Variants in CAST observed in about 807,000 individuals in gnomAD.
CAST encodes the protein calpastatin.
In CAST, 76 loss-of-function variants were observed where a neutral mutation model predicts 119.6. The ratio of observed to expected loss-of-function variants is 0.64; its 90% CI spans 0.53 to 0.77. The LOEUF (loss-of-function observed/expected upper bound fraction) is 0.77. CAST is among the 30% of genes least tolerant of loss of function. The pLI is 0.00. For synonymous variants in CAST, 319 were observed against 331.6 expected (o/e 0.96, Z 0.41); for missense variants, 953 against 946.5 (o/e 1.01, Z -0.09).
At chr5:96,249,154 T>C in the CAST span, among the ~76,000 whole-genome samples, 1 of 152,348 alleles carries the variant, frequency 6.6e-6, no homozygotes, top group Non-Finnish European at 1.5e-5. Context: ...ACATTGAACA[T>C]GAAAGAAGAA....
chr5:96,693,897 A>G (rs1752997411), intron 2 of CAST, among the ~76,000 whole-genome samples: 2 of 151,298 alleles, frequency 1.3e-5, no homozygotes, highest in South Asian at 2.1e-4. Context: ...GATGGTAGTA[A>G]GTGTATGCTT....
chr5:96,033,763 C>T, the CAST span, among the ~76,000 whole-genome samples: 4 of 151,938 alleles, frequency 2.6e-5, no homozygotes, highest in South Asian at 2.1e-4. Flanking sequence ...TAGACATGAC[C>T]CCAAAAGCAT....
chr5:96,237,108 C>T, the CAST span, among the ~76,000 whole-genome samples: 1 of 152,118 alleles, frequency 6.6e-6, no homozygotes, highest in Non-Finnish European at 1.5e-5. Context: ...CAGTCATCTC[C>T]CCTTCAGTGA....
the CAST span, among the ~76,000 whole-genome samples, chr5:96,118,499 A>G: frequency 6.6e-5 from 10 of 152,330 alleles, 1 homozygote; most frequent in Admixed American, 5.9e-4. Flanking sequence ...AAAAAATGCA[A>G]AAGGAAGCCT....
the CAST span, among the ~76,000 whole-genome samples, chr5:96,147,683 C>G: frequency 6.6e-6 from 1 of 152,210 alleles, no homozygotes; most frequent in Non-Finnish European, 1.5e-5. Context: ...GGCTTTGTTA[C>G]ATCATTCTAG....
chr5:96,763,354 A>G, intron 25 of CAST: 1 of 707,156 alleles, frequency 1.4e-6, no homozygotes. Flanking sequence ...GTGTGTGTGT[A>G]TGTGCATGTG....
the CAST span, among the ~76,000 whole-genome samples, chr5:96,331,097 T>C: frequency 6.6e-6 from 1 of 152,140 alleles, no homozygotes; most frequent in Non-Finnish European, 1.5e-5. Flanking sequence ...CCAGGAAAGA[T>C]TTTTATGTTC....
chr5:96,501,087 G>T, the CAST span, among the ~76,000 whole-genome samples: 1 of 152,148 alleles, frequency 6.6e-6, no homozygotes, highest in Non-Finnish European at 1.5e-5. Context: ...CCTGGCTGAG[G>T]CGTCAACCTG....
chr5:96,400,121 G>A, the CAST span: 3 of 1,613,984 alleles, frequency 1.9e-6, no homozygotes, highest in Non-Finnish European at 2.5e-6. Context: ...AGGGTTATTG[G>A]CCAGCGGGTC....
At chr5:96,430,625 A>AT in the CAST span, among the ~76,000 whole-genome samples, 2 of 152,208 alleles carry the variant, frequency 1.3e-5, no homozygotes, top group East Asian at 3.8e-4. Context: ...AATTAGTGTA[A>AT]TTTTAGTAAT....
chr5:96,069,011 A>G, the CAST span, among the ~76,000 whole-genome samples: 5 of 151,292 alleles, frequency 3.3e-5, no homozygotes, highest in Admixed American at 3.3e-4. Flanking sequence ...ATATATGTGC[A>G]TGTGTATAAC....
At chr5:96,491,490 C>CAAAAAAAAAAAAAAAAAAAA in the CAST span, among the ~76,000 whole-genome samples, 1 of 56,790 alleles carries the variant, frequency 1.8e-5, no homozygotes, top group Non-Finnish European at 3.6e-5. Context: ...GACTCCATCT[C>CAAAAAAAAAAAAAAAAAAAA]AAAAAAAAAA....
chr5:95,966,692 T>C, the CAST span, among the ~76,000 whole-genome samples: 1 of 152,200 alleles, frequency 6.6e-6, no homozygotes. Context: ...ATCTCTCCTT[T>C]CACATGTATT....
the CAST span, among the ~76,000 whole-genome samples, chr5:96,468,617 G>A: frequency 3.3e-5 from 5 of 152,100 alleles, no homozygotes; most frequent in Non-Finnish European, 7.4e-5. Flanking sequence ...AGAGCAGTAT[G>A]TCAGATAAAA....
chr5:96,555,797 G>C (rs1037614940), intron 1 of CAST, among the ~76,000 whole-genome samples: 14 of 152,326 alleles, frequency 9.2e-5, no homozygotes, highest in Admixed American at 1.3e-4. Context: ...CCACCTCTAG[G>C]GGCAGGGCAT....
chr5:96,709,380 G>A (rs1408813657), intron 3 of CAST, among the ~76,000 whole-genome samples: 1 of 152,154 alleles, frequency 6.6e-6, no homozygotes, highest in African/African-American at 2.4e-5. Context: ...TGATATCCCC[G>A]TGAGTCATTC....
At chr5:96,610,931 TAC>T (rs948956460) in intron 1 of CAST, among the ~76,000 whole-genome samples, 1 of 151,480 alleles carries the variant, frequency 6.6e-6, no homozygotes, top group African/African-American at 2.4e-5. Flanking sequence ...GCCACACACA[TAC>T]ACACACACAC....
At chr5:96,014,304 C>T in the CAST span, among the ~76,000 whole-genome samples, 1 of 152,096 alleles carries the variant, frequency 6.6e-6, no homozygotes, top group Non-Finnish European at 1.5e-5. Context: ...AACATGCATG[C>T]AACTGTGATC....
chr5:96,349,137 C>CTTTTTTTTTT, the CAST span, among the ~76,000 whole-genome samples: 1 of 31,320 alleles, frequency 3.2e-5, no homozygotes, highest in East Asian at 6.6e-4. Flanking sequence ...AACAAGGACA[C>CTTTTTTTTTT]TATTTTTTTT....
Sources: allele counts gnomAD v4.1 joint callset (sites outside exome capture counted in the v4.1 genomes callset), GRCh38; gene constraint gnomAD v4.1.1; transcripts MANE v1.5; gene names NCBI Gene and HGNC (gene_info 2026-07-23, HGNC 2026-07-21).